The following RCBTB2 variants were observed in gnomAD, a reference collection of about 807,000 sequenced individuals.
RCBTB2 encodes the protein RCC1 and BTB domain-containing protein 2.
RCBTB2 carries 55 observed loss-of-function variants against 65.4 expected under a neutral mutation model. The ratio of observed to expected loss-of-function variants is 0.84; its 90% confidence interval spans 0.68 to 1.05. The LOEUF is 1.05. Ranked by LOEUF, RCBTB2 falls within the 50% of genes least tolerant of loss-of-function variation. RCBTB2 has a pLI of 0.00. For synonymous variants in RCBTB2, 220 were observed against 255.2 expected (o/e 0.86, Z 1.31); for missense variants, 599 against 680.1 (o/e 0.88, Z 1.33).
intron 14 of RCBTB2, among the ~76,000 whole-genome samples, chr13:48,493,513 T>A (rs1353894620): frequency 6.6e-6 from 1 of 151,904 alleles, no homozygotes; most frequent in Non-Finnish European, 1.5e-5. Flanking sequence ...GCCTATGGAC[T>A]CTGCAGGCCC....
intron 4 of RCBTB2, 75 bp downstream of exon 4, chr13:48,521,823 G>T: frequency 1.5e-6 from 2 of 1,346,362 alleles, no homozygotes; most frequent in South Asian, 1.2e-5. Flanking sequence ...TCCTATCGGT[G>T]ACCAATAGGT....
intron 1 of RCBTB2, among the ~76,000 whole-genome samples, chr13:48,528,229 T>C (rs1328133444): frequency 6.6e-6 from 1 of 152,170 alleles, no homozygotes; most frequent in African/African-American, 2.4e-5. Context: ...ATGCTGACAT[T>C]TTGCAGTTAA....
intron 1 of RCBTB2, among the ~76,000 whole-genome samples, chr13:48,527,116 T>C (rs1200566792): frequency 6.6e-6 from 1 of 151,442 alleles, no homozygotes; most frequent in Non-Finnish European, 1.5e-5. Context: ...CTTTTCTGCA[T>C]AGGAGGGCAA....
At chr13:48,514,798 T>G (rs1226517503) in intron 6 of RCBTB2, among the ~76,000 whole-genome samples, 1 of 152,236 alleles carries the variant, frequency 6.6e-6, no homozygotes, top group South Asian at 2.1e-4. Flanking sequence ...CAATCCCTTA[T>G]GAAGTGGCTA....
chr13:48,494,970 G>A (rs1949904959), intron 14 of RCBTB2, among the ~76,000 whole-genome samples: 1 of 152,006 alleles, frequency 6.6e-6, no homozygotes, highest in Admixed American at 6.6e-5. Flanking sequence ...AAGTGCTAAT[G>A]TTCTCTGGTT....
chr13:48,498,943 A>C (rs986354453), intron 13 of RCBTB2, among the ~76,000 whole-genome samples: 6 of 151,902 alleles, frequency 3.9e-5, no homozygotes, highest in Non-Finnish European at 7.4e-5. Flanking sequence ...ACCTCTTTAA[A>C]ATATATCTAG....
intron 6 of RCBTB2, 47 bp downstream of exon 6, chr13:48,515,158 G>T: frequency 6.4e-7 from 1 of 1,565,194 alleles, no homozygotes; most frequent in Non-Finnish European, 8.7e-7. Context: ...TGTTCTCAAG[G>T]GCAGCTGCGA....
At chr13:48,531,519 T>C (rs1952120212) in intron 1 of RCBTB2, among the ~76,000 whole-genome samples, 1 of 152,216 alleles carries the variant, frequency 6.6e-6, no homozygotes, top group African/African-American at 2.4e-5. Flanking sequence ...TTCTGTGCCA[T>C]GCAGATTTGC....
intron 4 of RCBTB2, among the ~76,000 whole-genome samples, chr13:48,516,096 CAGAGAG>C (rs10567858): frequency 1.7e-4 from 25 of 149,320 alleles, no homozygotes; most frequent in Non-Finnish European, 1.8e-4. Flanking sequence ...GCAAGAGAGA[CAGAGAG>C]AGAGAGAGAG....
intron 13 of RCBTB2, among the ~76,000 whole-genome samples, chr13:48,498,022 G>A (rs1168548642): frequency 1.3e-5 from 2 of 152,226 alleles, no homozygotes; most frequent in Non-Finnish European, 2.9e-5. Context: ...GGGAACCTGG[G>A]ACTGCCTGCA....
At chr13:48,515,150 T>C in intron 6 of RCBTB2, 55 bp downstream of exon 6, 1 of 1,526,760 alleles carries the variant, frequency 6.5e-7, no homozygotes, top group Non-Finnish European at 8.9e-7. Flanking sequence ...TTAAACAATG[T>C]TCTCAAGGGC....
intron 2 of RCBTB2, among the ~76,000 whole-genome samples, chr13:48,523,679 C>A (rs1400798843): frequency 6.6e-6 from 1 of 152,034 alleles, no homozygotes; most frequent in Non-Finnish European, 1.5e-5. Flanking sequence ...AAGAAGGGAC[C>A]AAGTAGAGAT....
chr13:48,511,716 T>G, intron 9 of RCBTB2, 54 bp downstream of exon 9: 1 of 1,457,224 alleles, frequency 6.9e-7, no homozygotes, highest in Non-Finnish European at 9.5e-7. Flanking sequence ...TACATTGATA[T>G]CTTTGCCAGC....
intron 1 of RCBTB2, among the ~76,000 whole-genome samples, chr13:48,528,550 G>A (rs1418978986): frequency 6.6e-6 from 1 of 152,040 alleles, no homozygotes; most frequent in Non-Finnish European, 1.5e-5. Flanking sequence ...TTACAGCATC[G>A]GTGTGTTAAT....
In RCBTB2 at chr13:48,490,032, T is replaced by C; in HGVS notation, c.*79A>G. The C allele has an allele frequency of 2.7e-6, 4 of 1,460,462 alleles. 1 individual carries two copies. Among genetic ancestry groups the C allele is most frequent in the Non-Finnish European group, 3.8e-6 (4 of 1,042,922 alleles). 90.5% of individuals were successfully genotyped at this position (1,460,462 alleles called of 1,614,324 possible). ...GCCAAACATAGCTCATCATACATAC[T>C]ATTAATTAAAGAGAAGTGATTCATC... On this transcript the variant is annotated 3_prime_UTR_variant, in exon 15 of 15. Transcript: ENST00000344532.
chr13:48,505,379 A>T (rs1014833594), intron 10 of RCBTB2, among the ~76,000 whole-genome samples: 1 of 152,226 alleles, frequency 6.6e-6, no homozygotes, highest in African/African-American at 2.4e-5. Flanking sequence ...AATTCAAATT[A>T]GTACGACTTT....
At chr13:48,498,289 A>G (rs183472301) in intron 13 of RCBTB2, among the ~76,000 whole-genome samples, 2 of 152,250 alleles carry the variant, frequency 1.3e-5, no homozygotes, top group African/African-American at 4.8e-5. Flanking sequence ...ATGAAATTAC[A>G]TTTTTCAAGG....
intron 14 of RCBTB2, among the ~76,000 whole-genome samples, chr13:48,494,717 C>T (rs1180857535): frequency 2.6e-5 from 4 of 152,174 alleles, no homozygotes; most frequent in African/African-American, 9.7e-5. Context: ...CACCGTGGCT[C>T]ATCACTGTGA....
intron 1 of RCBTB2, among the ~76,000 whole-genome samples, chr13:48,530,948 T>C (rs1430163311): frequency 6.6e-6 from 1 of 152,236 alleles, no homozygotes; most frequent in African/African-American, 2.4e-5. Context: ...AGAACATTTA[T>C]TTCTAAAACC....
Sources: gnomAD v4.1 joint callset for allele counts (sites outside exome capture counted in the v4.1 genomes callset) on GRCh38, gnomAD v4.1.1 for gene constraint, MANE v1.5 for transcripts, NCBI Gene and HGNC (gene_info 2026-07-23, HGNC 2026-07-21) for gene names.